Variants in GRID1 observed in about 807,000 individuals in gnomAD.
GRID1 encodes glutamate receptor ionotropic, delta-1.
A neutral mutation model predicts 98.0 loss-of-function variants in GRID1; 28 were observed. The ratio of observed to expected loss-of-function variants is 0.29; its 90% CI spans 0.21 to 0.39. The LOEUF (loss-of-function observed/expected upper bound fraction) is 0.39, where lower values mean the gene tolerates loss of function less well. Among genes scored for constraint, GRID1 ranks in the 10% least tolerant of loss-of-function variants. The pLI, the probability that GRID1 is intolerant of heterozygous loss-of-function variation, is 1.00. For missense variants in GRID1, 1,111 were observed against 1,340.5 expected (o/e 0.83, Z 2.67); for synonymous variants, 553 against 538.5 (o/e 1.03, Z -0.37).
At chr10:85,937,772 C>T (rs1212618585) in intron 4 of GRID1, among the ~76,000 whole-genome samples, 1 of 152,076 alleles carries the variant, frequency 6.6e-6, no homozygotes, top group Non-Finnish European at 1.5e-5. Flanking sequence ...TCAAGGGTAT[C>T]AAATGGGTAG....
chr10:86,270,507 T>G (rs888614872), intron 2 of GRID1, among the ~76,000 whole-genome samples: 1 of 152,084 alleles, frequency 6.6e-6, no homozygotes, highest in Admixed American at 6.5e-5. Context: ...CTGGCCAACA[T>G]GGTGCAGCCC....
chr10:86,324,094 G>A (rs1322288494), intron 2 of GRID1, among the ~76,000 whole-genome samples: 4 of 152,018 alleles, frequency 2.6e-5, no homozygotes, highest in South Asian at 2.1e-4. Context: ...CAGGAGAATC[G>A]CTTGAACCCA....
intron 8 of GRID1, among the ~76,000 whole-genome samples, chr10:85,824,665 T>C (rs1842802928): frequency 6.6e-6 from 1 of 152,156 alleles, no homozygotes; most frequent in Non-Finnish European, 1.5e-5. Context: ...TTGTACCCAA[T>C]ATATAGTTTT....
At position 85,916,258 on chromosome 10, in the gene GRID1, C is replaced by G; in HGVS notation, c.727-19G>C. 6.3e-7 allele frequency: 1 copy of G among 1,596,214 alleles called. No individual in the cohort carries two copies. Among genetic ancestry groups the G allele is most frequent in the Non-Finnish European group, 8.6e-7 (1 of 1,163,810 alleles). On this transcript the variant is annotated intron_variant, in intron 4 of 15. Transcript: ENST00000327946. This position sits in a 1 kb window ranked among gnomAD's most constrained non-coding sequence, Gnocchi z 4.0. The stretch of plus-strand genomic sequence containing the variant: ...CCACGGCCTGCAGAGAGAAAAAGAA[C>G]GAACATGAACAGAAGCAAGACAGAA...
chr10:85,772,095 A>G (rs538092555), intron 8 of GRID1, among the ~76,000 whole-genome samples: 37 of 152,352 alleles, frequency 2.4e-4, no homozygotes, highest in Admixed American at 1.8e-3. Context: ...CAGCAAATGT[A>G]AAAGATAAGA....
chr10:86,308,188 C>A (rs1281151017), intron 2 of GRID1, among the ~76,000 whole-genome samples: 1 of 152,226 alleles, frequency 6.6e-6, no homozygotes, highest in East Asian at 1.9e-4. Flanking sequence ...TAGACACTCA[C>A]TTTCCAGCCT....
intron 13 of GRID1, among the ~76,000 whole-genome samples, chr10:85,621,366 G>T (rs912362807): frequency 1.3e-5 from 2 of 152,132 alleles, no homozygotes; most frequent in Non-Finnish European, 2.9e-5. Flanking sequence ...ATTGTCCCTG[G>T]CTCCTGCCTT....
At chr10:85,680,905 G>A (rs1841201619) in intron 12 of GRID1, among the ~76,000 whole-genome samples, 1 of 152,152 alleles carries the variant, frequency 6.6e-6, no homozygotes, top group Admixed American at 6.5e-5. Flanking sequence ...AATACCACAT[G>A]CTCTCACTTA....
At chr10:86,344,852 C>T (rs747813912) in intron 2 of GRID1, among the ~76,000 whole-genome samples, 30 of 152,164 alleles carry the variant, frequency 2.0e-4, no homozygotes, top group South Asian at 4.1e-4. Context: ...TCTGCTGGCA[C>T]CAGGCGGGAA....
chr10:85,954,361 G>A (rs954905667), intron 4 of GRID1, among the ~76,000 whole-genome samples: 1 of 152,136 alleles, frequency 6.6e-6, no homozygotes, highest in African/African-American at 2.4e-5. Context: ...TCTAAACATT[G>A]TCTCTCTTTA....
At chr10:86,013,545 G>C (rs1423184533) in intron 4 of GRID1, among the ~76,000 whole-genome samples, 2 of 152,290 alleles carry the variant, frequency 1.3e-5, no homozygotes, top group South Asian at 2.1e-4. Flanking sequence ...CATGGTTATT[G>C]ACCTGTCAGT....
In GRID1 at chr10:85,939,475, A is replaced by C. The variant is rs543628818; in HGVS notation, c.727-23236T>G. Among the ~76,000 whole-genome samples the C allele has an allele frequency of 2.0e-5, 3 of 152,266 alleles. No individual in the cohort carries two copies. In the South Asian group the frequency reaches 6.2e-4, roughly 32 times the overall value. On this transcript the variant is annotated intron_variant, in intron 4 of 15. Transcript: ENST00000327946. ...TTCCTGTCTAGAGGCCCTAGGATAG[A>C]GTGTGCTTCTTTGCCCTTTCCAACT... is the stretch of plus-strand genomic sequence containing the variant.
At chr10:85,858,251 G>T (rs1301818005) in intron 6 of GRID1, among the ~76,000 whole-genome samples, 7 of 152,204 alleles carry the variant, frequency 4.6e-5, no homozygotes, top group African/African-American at 2.4e-5. Flanking sequence ...TGTTGCAGAG[G>T]TGTCAAGAGT....
chr10:86,317,164 G>A (rs969179847), intron 2 of GRID1, among the ~76,000 whole-genome samples: 3 of 152,168 alleles, frequency 2.0e-5, no homozygotes, highest in African/African-American at 7.2e-5. Context: ...CTGGGCATCT[G>A]CTCAGAGCTT....
At chr10:85,735,928 A>AAGGG (rs1373564448) in intron 8 of GRID1, among the ~76,000 whole-genome samples, 1 of 136,008 alleles carries the variant, frequency 7.4e-6, no homozygotes, top group Non-Finnish European at 1.6e-5. Context: ...GGAAGGAAGG[A>AAGGG]GAGAAGGCAG....
At chr10:86,144,431 A>T (rs1239431326) in intron 3 of GRID1, among the ~76,000 whole-genome samples, 1 of 152,184 alleles carries the variant, frequency 6.6e-6, no homozygotes, top group Non-Finnish European at 1.5e-5. Context: ...GCTGAGGGTC[A>T]GTGGGCACCA....
At chr10:85,713,328 C>T (rs1187194241) in intron 12 of GRID1, among the ~76,000 whole-genome samples, 1 of 151,706 alleles carries the variant, frequency 6.6e-6, no homozygotes, top group South Asian at 2.1e-4. Flanking sequence ...TTTCTAGAAA[C>T]GTACAACCTA....
At chr10:86,087,160 C>A (rs1387789733) in intron 4 of GRID1, among the ~76,000 whole-genome samples, 1 of 152,228 alleles carries the variant, frequency 6.6e-6, no homozygotes, top group African/African-American at 2.4e-5. Context: ...CTTATACACA[C>A]TTCCCATCTG....
At chr10:86,209,430 G>A (rs1259212091) in intron 2 of GRID1, among the ~76,000 whole-genome samples, 1 of 152,134 alleles carries the variant, frequency 6.6e-6, no homozygotes, top group African/African-American at 2.4e-5. Context: ...TCCAGATAAT[G>A]AGATGTGAGG....
Sources: allele counts gnomAD v4.1 joint callset (sites outside exome capture counted in the v4.1 genomes callset), GRCh38; gene constraint gnomAD v4.1.1; non-coding constraint Gnocchi (gnomAD v3.1); transcripts MANE v1.5; gene names NCBI Gene and HGNC (gene_info 2026-07-23, HGNC 2026-07-21).